PCNX2: variants seen among roughly 807,000 people sequenced by gnomAD.
PCNX2 encodes the protein pecanex 2, also known as pecanex-like protein 2.
In PCNX2, 168 loss-of-function variants were observed where a neutral mutation model predicts 223.8. The ratio of observed to expected loss-of-function variants is 0.75; its 90% CI spans 0.66 to 0.85. PCNX2 has a LOEUF of 0.85. Ranked by LOEUF, PCNX2 falls within the 40% of genes least tolerant of loss-of-function variation. The pLI is 0.00. For synonymous variants in PCNX2, 1,006 were observed against 1,052.6 expected (o/e 0.96, Z 0.86); for missense variants, 2,507 against 2,675.5 (o/e 0.94, Z 1.39).
At chr1:233,039,566 C>A (rs1671573320) in intron 25 of PCNX2, among the ~76,000 whole-genome samples, 1 of 152,150 alleles carries the variant, frequency 6.6e-6, no homozygotes. Context: ...GGCATCCTAC[C>A]ATGAGCCAGT....
At chr1:233,246,949 C>T (rs1232194478) in intron 8 of PCNX2, among the ~76,000 whole-genome samples, 2 of 152,216 alleles carry the variant, frequency 1.3e-5, no homozygotes, top group Admixed American at 6.5e-5. Flanking sequence ...ATCATCATTA[C>T]ATCATGGGCT....
At position 233,273,645 on chromosome 1, in the gene PCNX2, A is replaced by G. The variant is rs1253309041; in HGVS notation, c.154-10482T>C. ...CTCTTTTGGCATTTTTTTTTTTTTGATAGAATCTTACTCTGTCGCCAGGGC... is the reference window on the plus strand; with the variant it reads ...CTCTTTTGGCATTTTTTTTTTTTTGGTAGAATCTTACTCTGTCGCCAGGGC... On this transcript the variant is annotated intron_variant, in intron 1 of 33. Transcript: ENST00000258229. Among the ~76,000 whole-genome samples, 6 of 122,542 alleles carry G rather than the reference A, an allele frequency of 4.9e-5. No homozygotes were observed. The East Asian group carries it at 1.4e-3, about 28-fold the overall frequency. 80.4% of individuals were successfully genotyped at this position (122,542 alleles called of 152,430 possible). A position where few individuals can be genotyped will look rare whatever the true frequency, so the allele number is the denominator to read the frequency against.
chr1:233,067,602 T>C (rs941499130), intron 23 of PCNX2, among the ~76,000 whole-genome samples: 7 of 151,804 alleles, frequency 4.6e-5, no homozygotes, highest in Non-Finnish European at 7.4e-5. Flanking sequence ...ACCTCCCAAG[T>C]AAGTGGGACT....
At chr1:233,210,566 A>G (rs772192027) in intron 12 of PCNX2, 87 of 984,812 alleles carry the variant, frequency 8.8e-5, no homozygotes, top group Non-Finnish European at 1.0e-4. Flanking sequence ...GTTGTGAGCC[A>G]CTGTGCCTGG....
At chr1:233,026,096 CA>C (rs1671070910) in intron 25 of PCNX2, among the ~76,000 whole-genome samples, 2 of 151,890 alleles carry the variant, frequency 1.3e-5, no homozygotes, top group African/African-American at 2.4e-5. Flanking sequence ...AAGACAGACA[CA>C]AAAAAATAAT....
chr1:233,139,072 T>C lies in PCNX2; in HGVS notation c.3659+642A>G, dbSNP rs1181664557. Among the ~76,000 whole-genome samples, 1 of 152,214 alleles carries C rather than the reference T, an allele frequency of 6.6e-6. No homozygotes were observed. Among genetic ancestry groups the C allele is most frequent in the African/African-American group, 2.4e-5 (1 of 41,456 alleles). ...ATATCCTCCTACTCTAACAACTTCT[T>C]TGACCAGCAACTTTTGCCTTTCATC... On this transcript the variant is annotated intron_variant, in intron 20 of 33. Coordinates refer to ENST00000258229, the MANE Select transcript of PCNX2 (RefSeq NM_014801.4). This position sits in a 1 kb window ranked among gnomAD's most constrained non-coding sequence, Gnocchi z 4.4.
chr1:233,241,497 G>T, intron 8 of PCNX2: 1 of 646,626 alleles, frequency 1.5e-6, no homozygotes, highest in Non-Finnish European at 1.9e-6. Context: ...AGTAAAAAGT[G>T]AAAGCCAAAA....
intron 21 of PCNX2, among the ~76,000 whole-genome samples, chr1:233,098,575 T>C (rs958119504): frequency 4.6e-5 from 7 of 152,154 alleles, no homozygotes; most frequent in Admixed American, 2.0e-4. Flanking sequence ...CCTTTCAACA[T>C]GAAGCTCATA....
At chr1:233,161,478 A>T in intron 17 of PCNX2, 115 bp from the exon 18 acceptor site, 2 of 826,184 alleles carry the variant, frequency 2.4e-6, no homozygotes, top group Non-Finnish European at 4.0e-6. Flanking sequence ...TTTCCAGCCC[A>T]TCACTTACCT....
In PCNX2 at chr1:233,258,807, C is replaced by T. The variant is rs369786582; in HGVS notation, c.1055G>A (p.Ser352Asn). 7 of 1,613,826 alleles carry T rather than the reference C, an allele frequency of 4.3e-6. No homozygotes were observed. Among genetic ancestry groups the T allele is most frequent in the Non-Finnish European group, 5.9e-6 (7 of 1,179,890 alleles). The change falls in exon 5 of 34, where the codon AGT becomes AAT. Residue 352 changes from serine to asparagine, a missense_variant. This residue lies in a region of PCNX2 where 1,031 missense variants were observed against 1,021.7 expected (regional missense o/e 1.01). Coordinates refer to ENST00000258229, the MANE Select transcript of PCNX2 (RefSeq NM_014801.4). Reference protein sequence around the residue: ...PLHQEVDSSDSEVAVTLIDTS... With the variant: ...PLHQEVDSSDNEVAVTLIDTS... ...ATCGATGAGAGTAACAGCTACCTCA[C>T]TATCTGAGGAGTCCACTTCCTGGTG... is the stretch of plus-strand genomic sequence containing the variant.
At position 233,191,850 on chromosome 1, in the gene PCNX2, G is replaced by A. The variant is rs550497490; in HGVS notation, c.3066+7089C>T. ...CTGCAGCAACTCCTGCTGTCGTAGA[G>A]GCGGCAGCATTTATTCATTCAGGTC... On this transcript the variant is annotated intron_variant, in intron 15 of 33. Transcript: ENST00000258229. 2.0e-5 allele frequency among the ~76,000 whole-genome samples: 3 copies of A among 152,334 alleles called. No homozygotes were observed. The East Asian group carries it at 5.8e-4, about 29-fold the overall frequency.
intron 21 of PCNX2, among the ~76,000 whole-genome samples, chr1:233,109,415 C>T (rs1381532370): frequency 6.6e-6 from 1 of 152,166 alleles, no homozygotes; most frequent in East Asian, 1.9e-4. Flanking sequence ...ATGTTAAGGG[C>T]TGTACTGGAA....
chr1:233,298,631 G>A (rs981008427), upstream of PCNX2, among the ~76,000 whole-genome samples: 7 of 152,174 alleles, frequency 4.6e-5, no homozygotes, highest in Admixed American at 4.6e-4. Context: ...GTTCACGCCT[G>A]TAATCCCAGC....
At chr1:233,049,008 T>C (rs1477418709) in intron 25 of PCNX2, among the ~76,000 whole-genome samples, 1 of 151,966 alleles carries the variant, frequency 6.6e-6, no homozygotes, top group Non-Finnish European at 1.5e-5. Flanking sequence ...AAATTGAATA[T>C]GTAATAAAAA....
chr1:233,293,158 G>T (rs570570306), intron 1 of PCNX2, among the ~76,000 whole-genome samples: 20 of 152,172 alleles, frequency 1.3e-4, no homozygotes, highest in Non-Finnish European at 2.6e-4. Context: ...CTTAAGTAGA[G>T]TTTTATAAAA....
chr1:233,144,706 G>C (rs920657063), intron 19 of PCNX2, among the ~76,000 whole-genome samples: 15 of 151,928 alleles, frequency 9.9e-5, no homozygotes, highest in Non-Finnish European at 2.2e-4. Flanking sequence ...TCATTCTGTT[G>C]CCTGGTTCTT....
chr1:233,227,411 A>G (rs376469515), intron 9 of PCNX2, 40 bp from the exon 10 acceptor site: 116 of 1,588,606 alleles, frequency 7.3e-5, no homozygotes, highest in Non-Finnish European at 9.7e-5. Flanking sequence ...AAAGGGCTTT[A>G]TGTTGTCATG....
intron 15 of PCNX2, among the ~76,000 whole-genome samples, chr1:233,192,675 A>C (rs879774384): frequency 6.6e-6 from 1 of 152,164 alleles, no homozygotes; most frequent in African/African-American, 2.4e-5. Flanking sequence ...AAGCTAAGCA[A>C]GCAATTATGA....
At position 233,263,142 on chromosome 1, in the gene PCNX2, T is replaced by C; in HGVS notation, c.175A>G (p.Ile59Val). Residue 59 changes from isoleucine to valine, a missense_variant, in exon 2 of 34, where the codon ATT becomes GTT. Around this residue, in one of 3 missense-constraint regions of PCNX2, gnomAD observed 1,031 missense variants for 1,021.7 expected, o/e 1.01. Coordinates refer to ENST00000258229, the MANE Select transcript of PCNX2 (RefSeq NM_014801.4). ...LHLAFPPNAI[I>V]VFFYCSAVTI... Reference sequence around the variant, plus strand: ...ACTGCACTGCAGTAGAAAAATACAATGATCGCATTTGGAGGAAAAGCCTGA... The same window carrying C: ...ACTGCACTGCAGTAGAAAAATACAACGATCGCATTTGGAGGAAAAGCCTGA... 1 of 1,609,828 alleles carries C rather than the reference T, an allele frequency of 6.2e-7. No homozygotes were observed. Among genetic ancestry groups the C allele is most frequent in the African/African-American group, 1.3e-5 (1 of 74,972 alleles).
Sources: gnomAD v4.1 joint callset for allele counts (sites outside exome capture counted in the v4.1 genomes callset) on GRCh38, gnomAD v4.1.1 for gene constraint, gnomAD v4.1.1 regional missense constraint, Gnocchi (gnomAD v3.1) non-coding constraint, MANE v1.5 for transcripts, NCBI Gene and HGNC (gene_info 2026-07-23, HGNC 2026-07-21) for gene names.